SPTSSB: variants seen among roughly 807,000 people sequenced by gnomAD.
SPTSSB encodes serine palmitoyltransferase small subunit B, also known as androgen down regulated in mouse prostate.
SPTSSB carries 6 observed loss-of-function variants against 7.7 expected under a neutral mutation model. That is an observed-to-expected ratio of 0.78 (90% confidence interval 0.43 to 1.54). The LOEUF (loss-of-function observed/expected upper bound fraction) is 1.54. Ranked by LOEUF, SPTSSB falls within the 40% of genes most tolerant of loss-of-function variation. The probability of loss-of-function intolerance (pLI) is 0.01; values close to 1 mark genes in which losing one functional copy is unlikely to be tolerated. For synonymous variants in SPTSSB, 28 were observed against 29.7 expected, an observed-to-expected ratio of 0.94 and a Z score of 0.19; for missense variants, 91 against 93.0, an observed-to-expected ratio of 0.98 and a Z score of 0.09.
At chr3:161,352,246 T>G (rs1020702241) in intron 2 of SPTSSB, among the ~76,000 whole-genome samples, 1 of 152,146 alleles carries the variant, frequency 6.6e-6, no homozygotes, top group African/African-American at 2.4e-5. Context: ...ATCTCTCAAC[T>G]CTCCTGCTAA....
At chr3:161,349,326 G>T (rs1714412895) in intron 2 of SPTSSB, among the ~76,000 whole-genome samples, 1 of 152,178 alleles carries the variant, frequency 6.6e-6, no homozygotes, top group Non-Finnish European at 1.5e-5. Context: ...GAGGAAATAA[G>T]ATGACAGAAA....
chr3:161,346,474 AT>A, intron 2 of SPTSSB, 119 bp from the exon 3 acceptor site: 1 of 531,756 alleles, frequency 1.9e-6, no homozygotes, highest in South Asian at 2.7e-5. Context: ...TGAATATATT[AT>A]TAATATATGA....
intron 1 of SPTSSB, among the ~76,000 whole-genome samples, chr3:161,362,149 G>C (rs904243283): frequency 4.6e-5 from 7 of 152,006 alleles, no homozygotes; most frequent in African/African-American, 1.7e-4. Flanking sequence ...GAACTATTGG[G>C]CTCAGTTATG....
chr3:161,346,819 A>G (rs1029030184), intron 2 of SPTSSB, among the ~76,000 whole-genome samples: 9 of 152,172 alleles, frequency 5.9e-5, no homozygotes, highest in Non-Finnish European at 8.8e-5. Flanking sequence ...GACAGAGGGA[A>G]CAATATGTAC....
chr3:161,369,308 TTCTTTCTC>T (rs1469531097), intron 1 of SPTSSB, among the ~76,000 whole-genome samples: 24 of 59,650 alleles, frequency 4.0e-4, no homozygotes, highest in African/African-American at 1.4e-3. Context: ...CTTTCTTTCT[TTCTTTCTC>T]TTTCTTTCTT....
In SPTSSB at chr3:161,345,975, A is replaced by G; in HGVS notation, c.*118T>C. On this transcript the variant is annotated 3_prime_UTR_variant, in exon 3 of 3. Transcript: ENST00000620149. ...GCAGAAAGGCAGAATATAAGAGTGC[A>G]TAGAGAAGAGAGTGCTTTTCAGGTC... 3 of 635,140 alleles carry G rather than the reference A, an allele frequency of 4.7e-6. No homozygotes were observed. The highest frequency in any genetic ancestry group is 5.6e-6 in the Non-Finnish European group (2 of 354,668). 39.3% of individuals were successfully genotyped at this position (635,140 alleles called of 1,614,324 possible). A position where few individuals can be genotyped will look rare whatever the true frequency, so the allele number is the denominator to read the frequency against.
At chr3:161,361,777 T>C (rs1384933419) in intron 1 of SPTSSB, among the ~76,000 whole-genome samples, 1 of 152,144 alleles carries the variant, frequency 6.6e-6, no homozygotes, top group Non-Finnish European at 1.5e-5. Context: ...GTGATTCTAC[T>C]GAATCCTTCA....
At chr3:161,366,744 C>T (rs1415905044) in intron 1 of SPTSSB, among the ~76,000 whole-genome samples, 1 of 152,010 alleles carries the variant, frequency 6.6e-6, no homozygotes, top group African/African-American at 2.4e-5. Flanking sequence ...CTAGAAGTGA[C>T]CTGGTACAGG....
At chr3:161,370,141 G>C (rs1435477642) in intron 1 of SPTSSB, among the ~76,000 whole-genome samples, 1 of 152,098 alleles carries the variant, frequency 6.6e-6, no homozygotes, top group Non-Finnish European at 1.5e-5. Context: ...GCATAGTAGA[G>C]ATAGAATTGC....
intron 1 of SPTSSB, among the ~76,000 whole-genome samples, chr3:161,369,135 G>A (rs1715346305): frequency 1.3e-5 from 2 of 152,102 alleles, no homozygotes; most frequent in South Asian, 4.2e-4. Context: ...TTTGAGGAAC[G>A]ATCAAACTCT....
chr3:161,348,507 G>T (rs117899629), intron 2 of SPTSSB, among the ~76,000 whole-genome samples: 2 of 152,040 alleles, frequency 1.3e-5, no homozygotes, highest in Non-Finnish European at 2.9e-5. Context: ...GTTTAAAACC[G>T]CTAAAAGTCA....
At chr3:161,363,929 T>A (rs1715113420) in intron 1 of SPTSSB, among the ~76,000 whole-genome samples, 1 of 151,200 alleles carries the variant, frequency 6.6e-6, no homozygotes, top group Non-Finnish European at 1.5e-5. Context: ...GTGCAGTCTA[T>A]GGGAAGATGA....
At chr3:161,368,695 G>A (rs1444919875) in intron 1 of SPTSSB, among the ~76,000 whole-genome samples, 1 of 152,066 alleles carries the variant, frequency 6.6e-6, no homozygotes, top group Non-Finnish European at 1.5e-5. Flanking sequence ...CAAAGTGCTG[G>A]GATTACAGGC....
intron 2 of SPTSSB, among the ~76,000 whole-genome samples, chr3:161,357,454 A>T (rs769992576): frequency 9.2e-5 from 14 of 152,224 alleles, no homozygotes; most frequent in Middle Eastern, 3.2e-3. Context: ...GAGTGGTGAG[A>T]TAAAATGATT....
chr3:161,348,396 C>A (rs1714359842), intron 2 of SPTSSB, among the ~76,000 whole-genome samples: 1 of 152,212 alleles, frequency 6.6e-6, no homozygotes, highest in African/African-American at 2.4e-5. Flanking sequence ...CTAGCCAACA[C>A]CTTAATGATG....
chr3:161,359,223 T>C (rs957200022), intron 2 of SPTSSB: 2 of 152,238 alleles, frequency 1.3e-5, no homozygotes, highest in Non-Finnish European at 2.9e-5. Context: ...GTTAATATTT[T>C]TGGAAAATAG....
At chr3:161,349,294 G>A (rs542751657) in intron 2 of SPTSSB, among the ~76,000 whole-genome samples, 1 of 152,202 alleles carries the variant, frequency 6.6e-6, no homozygotes, top group East Asian at 1.9e-4. Context: ...TAAGAAGAAG[G>A]CTAGAAAAAG....
At chr3:161,359,248 C>T (rs1370636630) in intron 2 of SPTSSB, 1 of 151,766 alleles carries the variant, frequency 6.6e-6, no homozygotes, top group Admixed American at 6.6e-5. Flanking sequence ...TTCATTTTAC[C>T]ATATTTTTCT....
rs1227520340 is a variant in SPTSSB at position 161,349,251 on chromosome 3, T to C, written c.-32-2896A>G. ...CAGTGATCGATGGCCCAGGAATGAG[T>C]ACTAAGTGGGAGGAAAGGACATGGA... is the stretch of plus-strand genomic sequence containing the variant. On this transcript the variant is annotated intron_variant, in intron 2 of 2. Transcript: ENST00000620149. Among the ~76,000 whole-genome samples the C allele has an allele frequency of 2.6e-5, 4 of 151,928 alleles. No individual in the cohort carries two copies. The South Asian group carries it at 8.3e-4, about 32-fold the overall frequency.
Sources: allele counts gnomAD v4.1 joint callset (sites outside exome capture counted in the v4.1 genomes callset), GRCh38; gene constraint gnomAD v4.1.1; transcripts MANE v1.5; gene names NCBI Gene and HGNC (gene_info 2026-07-23, HGNC 2026-07-21).